PIP5K1C: variants seen among roughly 807,000 people sequenced by gnomAD.
The protein encoded by PIP5K1C is phosphatidylinositol-4-phosphate 5-kinase type 1 gamma.
In PIP5K1C, 45 loss-of-function variants were observed where a neutral mutation model predicts 80.1. That is an observed-to-expected ratio of 0.56 (90% CI 0.44 to 0.72). The LOEUF is 0.72. Among genes scored for constraint, PIP5K1C ranks in the 30% least tolerant of loss-of-function variants. The pLI is 0.00. For synonymous variants in PIP5K1C, 498 were observed against 420.1 expected, an observed-to-expected ratio of 1.19 and a Z score of -2.27; for missense variants, 753 against 954.6, an observed-to-expected ratio of 0.79 and a Z score of 2.78.
chr19:3,636,671 G>A, intron 16 of PIP5K1C: 3 of 985,672 alleles, frequency 3.0e-6, no homozygotes, highest in Non-Finnish European at 3.6e-6. Flanking sequence ...GAGCAGCCGG[G>A]GAAGTGGTCT....
chr19:3,675,776 G>A (rs1209239696), intron 1 of PIP5K1C, among the ~76,000 whole-genome samples: 1 of 152,200 alleles, frequency 6.6e-6, no homozygotes, highest in Non-Finnish European at 1.5e-5. Flanking sequence ...GCTGGTCACT[G>A]GGGCCGTCCT....
In PIP5K1C at chr19:3,643,492, C is replaced by T. The variant is rs921472203; in HGVS notation, c.1511-111G>A. ...GGGAACCCACAGCCCAGTGCCCGCC[C>T]GCCTCCCAGACACTCCCACCTCCCC... On this transcript the variant is annotated intron_variant, in intron 12 of 17. Transcript: ENST00000335312. 9.1e-6 allele frequency: 12 copies of T among 1,324,702 alleles called. No individual in the cohort carries two copies. The African/African-American group carries it at 1.4e-4, about 16-fold the overall frequency. 82.1% of individuals were successfully genotyped at this position (1,324,702 alleles called of 1,614,324 possible).
intron 17 of PIP5K1C, 65 bp from the exon 18 acceptor site, chr19:3,633,234 G>T: frequency 1.4e-6 from 1 of 727,608 alleles, no homozygotes; most frequent in Non-Finnish European, 2.6e-6. Flanking sequence ...CCCCTGCCAG[G>T]GACTGGCTTC....
intron 16 of PIP5K1C, among the ~76,000 whole-genome samples, chr19:3,633,838 C>G (rs934184639): frequency 2.6e-5 from 4 of 152,082 alleles, no homozygotes; most frequent in Admixed American, 2.0e-4. Context: ...CCTGGAGCAC[C>G]GAGTGTTCCT....
Position 3,664,886 on chromosome 19 carries a change from G to C in PIP5K1C, c.155C>G (p.Pro52Arg). ...ATGGCCCAACTTCTTCCCATGGCCA[G>C]GGCCCGGCTGTGCCGTCATGGACAG... ...EVLSMTAQPG[P>R]GHGKKLGHRG... The change falls in exon 3 of 18, where the codon CCT becomes CGT. Residue 52 changes from proline to arginine, a missense_variant. Coordinates refer to ENST00000335312, the MANE Select transcript of PIP5K1C (RefSeq NM_012398.3). The C allele has an allele frequency of 6.2e-7, 1 of 1,613,218 alleles. No individual in the cohort carries two copies.
intron 1 of PIP5K1C, among the ~76,000 whole-genome samples, chr19:3,677,342 G>A (rs754841779): frequency 1.6e-4 from 24 of 152,140 alleles, no homozygotes; most frequent in Non-Finnish European, 2.8e-4. Context: ...CAGCACTTTG[G>A]GAGGCCGAGG....
chr19:3,673,889 G>T (rs187420434), intron 1 of PIP5K1C: 1 of 152,300 alleles, frequency 6.6e-6, no homozygotes, highest in Admixed American at 6.5e-5. Flanking sequence ...AGGACCCGGC[G>T]GACAAGGGTA....
intron 1 of PIP5K1C, among the ~76,000 whole-genome samples, chr19:3,685,897 A>C (rs1394094974): frequency 6.6e-6 from 1 of 151,862 alleles, no homozygotes; most frequent in East Asian, 2.0e-4. Flanking sequence ...GGGGTCTTGC[A>C]CTGTCACCCA....
At chr19:3,690,270 G>A (rs2035907576) in intron 1 of PIP5K1C, among the ~76,000 whole-genome samples, 1 of 152,120 alleles carries the variant, frequency 6.6e-6, no homozygotes, top group Non-Finnish European at 1.5e-5. Context: ...GCCAAGGCAA[G>A]AGGATCACTT....
chr19:3,695,426 C>T (rs1163221304), intron 1 of PIP5K1C, among the ~76,000 whole-genome samples: 1 of 152,204 alleles, frequency 6.6e-6, no homozygotes, highest in African/African-American at 2.4e-5. Context: ...CTTCTAAGGG[C>T]TTTACCCCAT....
In PIP5K1C at chr19:3,692,299, C is replaced by T. The variant is rs769734260; in HGVS notation, c.94+7998G>A. On this transcript the variant is annotated intron_variant, in intron 1 of 17. Coordinates refer to ENST00000335312, the MANE Select transcript of PIP5K1C (RefSeq NM_012398.3). The surrounding 1 kb of genome is among the most constrained non-coding windows in gnomAD (Gnocchi z 5.2). ...CAGCCACCACCAGGGTCCCGACGGC[C>T]CCACCCAGTCCCACTGCCGGCTCCC... Among the ~76,000 whole-genome samples, 29 of 152,138 alleles carry T rather than the reference C, an allele frequency of 1.9e-4. No homozygotes were observed. Among genetic ancestry groups the T allele is most frequent in the Non-Finnish European group, 3.2e-4 (22 of 68,014 alleles).
intron 1 of PIP5K1C, among the ~76,000 whole-genome samples, chr19:3,678,119 A>AATAGATG (rs2035443843): frequency 2.6e-5 from 2 of 76,296 alleles, no homozygotes; most frequent in African/African-American, 5.3e-5. Context: ...AGGGATGGAG[A>AATAGATG]GATGGAGGGA....
intron 2 of PIP5K1C, 116 bp from the exon 3 acceptor site, chr19:3,665,030 G>A (rs2034964324): frequency 1.2e-6 from 1 of 815,404 alleles, no homozygotes. Flanking sequence ...GGGGTGCACA[G>A]GGCAGGGGGC....
At chr19:3,662,205 C>T (rs903394593) in intron 3 of PIP5K1C, among the ~76,000 whole-genome samples, 2 of 152,210 alleles carry the variant, frequency 1.3e-5, no homozygotes, top group African/African-American at 2.4e-5. Flanking sequence ...CACCCTCCCT[C>T]GGGCCACACA....
intron 4 of PIP5K1C, 103 bp downstream of exon 4, chr19:3,661,768 C>T: frequency 7.0e-7 from 1 of 1,418,474 alleles, no homozygotes; most frequent in Non-Finnish European, 9.8e-7. Context: ...CCAGGAGGGG[C>T]CAGGTGCTGC....
At chr19:3,673,267 G>C (rs2035266820) in intron 1 of PIP5K1C, among the ~76,000 whole-genome samples, 1 of 152,120 alleles carries the variant, frequency 6.6e-6, no homozygotes, top group Non-Finnish European at 1.5e-5. Context: ...CTCACGGTTT[G>C]TTCCTGTTTC....
Position 3,633,536 on chromosome 19 carries a change from G to T in PIP5K1C, c.1921-16C>A. 6.8e-7 allele frequency: 1 copy of T among 1,476,366 alleles called. No homozygotes were observed. 91.5% of individuals were successfully genotyped at this position (1,476,366 alleles called of 1,614,324 possible). On this transcript the variant is annotated splice_polypyrimidine_tract_variant and intron_variant, in intron 16 of 17. Coordinates refer to ENST00000335312, the MANE Select transcript of PIP5K1C (RefSeq NM_012398.3). The stretch of plus-strand genomic sequence containing the variant: ...CATCGGTGGGCTGGCAGGTGGGCGC[G>T]CGTGCAGGAGGGCGCGGAAGAGCAG...
At position 3,656,849 on chromosome 19, in the gene PIP5K1C, C is replaced by G. The variant is rs569202941; in HGVS notation, c.469-292G>C. Among the ~76,000 whole-genome samples the G allele has an allele frequency of 2.6e-5, 4 of 152,316 alleles. No individual in the cohort carries two copies. The East Asian group carries it at 7.7e-4, about 29-fold the overall frequency. ...ACCTGATCGCACCGGGGTGCTGACGCGCGTGGCTAAAAGGTGCTCCCAGCA... is the reference window on the plus strand; with the variant it reads ...ACCTGATCGCACCGGGGTGCTGACGGGCGTGGCTAAAAGGTGCTCCCAGCA... On this transcript the variant is annotated intron_variant, in intron 5 of 17. Transcript: ENST00000335312.
intron 5 of PIP5K1C, among the ~76,000 whole-genome samples, chr19:3,657,946 A>G (rs903385598): frequency 1.3e-5 from 2 of 152,116 alleles, no homozygotes; most frequent in African/African-American, 4.8e-5. Context: ...AAACACCCCA[A>G]CAAGTGAGGG....
Sources: allele counts gnomAD v4.1 joint callset (sites outside exome capture counted in the v4.1 genomes callset), GRCh38; gene constraint gnomAD v4.1.1; non-coding constraint Gnocchi (gnomAD v3.1); transcripts MANE v1.5; gene names NCBI Gene and HGNC (gene_info 2026-07-23, HGNC 2026-07-21).